The following TTC14 variants were observed in gnomAD, a reference collection of about 807,000 sequenced individuals.
TTC14 encodes the protein tetratricopeptide repeat domain 14.
A neutral mutation model predicts 79.9 loss-of-function variants in TTC14; 63 were observed. The observed-to-expected ratio is 0.79, with a 90% CI of 0.64 to 0.97. The LOEUF is 0.97. Among genes scored for constraint, TTC14 ranks in the 50% least tolerant of loss-of-function variants. The pLI is 0.00. For synonymous variants in TTC14, 335 were observed against 309.6 expected, an observed-to-expected ratio of 1.08 and a Z score of -0.86; for missense variants, 895 against 894.0, an observed-to-expected ratio of 1.00 and a Z score of -0.01.
At position 180,617,521 on chromosome 3, in the gene TTC14, AT is replaced by A; in HGVS notation, c.1917del (p.Asp639GlufsTer26). The A allele has an allele frequency of 1.5e-6, 1 of 652,762 alleles. No individual in the cohort carries two copies. The highest frequency in any genetic ancestry group is 2.8e-6 in the Non-Finnish European group (1 of 357,786). The allele number at this position is 652,762 out of a possible 1,614,324, so 40.4% of individuals were successfully genotyped here. A position where few individuals can be genotyped will look rare whatever the true frequency, so the allele number is the denominator to read the frequency against. On this transcript the variant is annotated frameshift_variant, in exon 13 of 13. Transcript: ENST00000382584. LOFTEE classifies it high-confidence loss of function. ...CCTGAAGACCTTCAAGTGGGACAAG[AT>A]ATGGAGGTGGAAGACAGTGGTATTG...
At position 180,616,541 on chromosome 3, in the gene TTC14, A is replaced by G; in HGVS notation, c.1775-839A>G. 4 of 1,585,016 alleles carry G rather than the reference A, an allele frequency of 2.5e-6. No individual in the cohort carries two copies. In the South Asian group the frequency reaches 4.7e-5, roughly 19 times the overall value. ...CTGTTGAAAGTATGTTTGAAGGATA[A>G]TACGGATCTCAGTATTTTCTTCTAT... On this transcript the variant is annotated intron_variant, in intron 12 of 12. Coordinates refer to the TTC14 transcript ENST00000382584.
chr3:180,603,988 A>G (rs1462885524), intron 3 of TTC14: 1 of 533,764 alleles, frequency 1.9e-6, no homozygotes, highest in Non-Finnish European at 3.3e-6. Context: ...ATAAGCCATC[A>G]TATTTGGTTC....
chr3:180,617,653 G>A (rs143959406), exon 13 of TTC14: 1 of 403,192 alleles, frequency 2.5e-6, no homozygotes, highest in African/African-American at 2.0e-5. Flanking sequence ...AATGCTTAGA[G>A]AATAAGGATA....
intron 6 of TTC14, chr3:180,605,444 T>G: frequency 4.6e-6 from 1 of 217,954 alleles, no homozygotes. Context: ...CCTGGCTAAT[T>G]TTTTTTTCTT....
At chr3:180,607,081 C>T (rs774853234) in intron 9 of TTC14, among the ~76,000 whole-genome samples, 74 of 152,176 alleles carry the variant, frequency 4.9e-4, no homozygotes, top group Admixed American at 2.7e-3. Flanking sequence ...TCTACTGACA[C>T]AAAAGTGATC....
At chr3:180,608,102 T>G in intron 10 of TTC14, 1 of 1,036,586 alleles carries the variant, frequency 9.6e-7, no homozygotes, top group Non-Finnish European at 1.2e-6. Context: ...ATATTTTAAA[T>G]TGTCTTTTCC....
chr3:180,602,476 G>A (rs1382175037), intron 1 of TTC14, 54 bp downstream of exon 1: 12 of 1,522,550 alleles, frequency 7.9e-6, no homozygotes, highest in Non-Finnish European at 1.1e-5. Flanking sequence ...AGCTCTGGCA[G>A]CCACTACCGC....
At position 180,610,038 on chromosome 3, in the gene TTC14, C is replaced by G. The variant is rs1413548212; in HGVS notation, c.1809C>G (p.Ser603Arg). The change falls in exon 12 of 12, where the codon AGC becomes AGG. Residue 603 changes from serine to arginine, a missense_variant. Transcript: ENST00000296015. Reference protein sequence around the residue: ...RSEDPRDFYNSYKTQAGSSKT... With the variant: ...RSEDPRDFYNRYKTQAGSSKT... ...AAGATCCAAGAGATTTTTATAACAG[C>G]TATAAAACCCAAGCAGGTAGTAGCA... 6.2e-7 allele frequency: 1 copy of G among 1,613,924 alleles called. No individual in the cohort carries two copies. The highest frequency in any genetic ancestry group is 1.3e-5 in the African/African-American group (1 of 74,970).
chr3:180,607,550 TC>T, intron 9 of TTC14, 97 bp from the exon 10 acceptor site: 1 of 1,385,924 alleles, frequency 7.2e-7, no homozygotes, highest in Non-Finnish European at 9.4e-7. Context: ...ACTTGGCTTT[TC>T]CCTAATAAGC....
chr3:180,604,350 T>C, intron 4 of TTC14, 41 bp downstream of exon 4: 1 of 1,587,694 alleles, frequency 6.3e-7, no homozygotes, highest in Non-Finnish European at 8.6e-7. Context: ...TAATGATTGT[T>C]GAATTTTTGT....
chr3:180,614,079 T>C (rs187269837), downstream of TTC14: 63 of 241,714 alleles, frequency 2.6e-4, 1 homozygote, highest in East Asian at 6.3e-3. Context: ...TACAAAGTGT[T>C]GGGCACATGT....
chr3:180,610,224 T>C lies in TTC14; in HGVS notation c.1995T>C (p.Ser665=). The change falls in exon 12 of 12, where the codon TCT becomes TCC. Residue 665 remains serine (S), a synonymous_variant. Coordinates refer to ENST00000296015, the MANE Select transcript of TTC14 (RefSeq NM_133462.4). ...ACTATAGAAGGTGGGAACCAGGTTC[T>C]GTGAGGCATTCTACCTCACCAGCAA... ...KEHYRRWEPG[S]VRHSTSPASS... 2 of 1,614,060 alleles carry C rather than the reference T, an allele frequency of 1.2e-6. No homozygotes were observed. The highest frequency in any genetic ancestry group is 2.2e-5 in the South Asian group (2 of 91,078).
At position 180,603,157 on chromosome 3, in the gene TTC14, T is replaced by G. The variant is rs1238268483; in HGVS notation, c.320T>G (p.Phe107Cys). The G allele has an allele frequency of 6.8e-6, 11 of 1,613,982 alleles. No homozygotes were observed. Among genetic ancestry groups the G allele is most frequent in the Non-Finnish European group, 9.3e-6 (11 of 1,180,032 alleles). The change falls in exon 3 of 12, where the codon TTC (phenylalanine) becomes TGC (cysteine). Residue 107 changes from phenylalanine to cysteine, a missense_variant. Transcript: ENST00000296015. ...GCAATCATGCCACCTTTAGAGCAATTCATGGAGATACCTAGTATGGATCGG... is the reference window on the plus strand; with the variant it reads ...GCAATCATGCCACCTTTAGAGCAATGCATGGAGATACCTAGTATGGATCGG... Reference protein sequence around the residue: ...HYAIMPPLEQFMEIPSMDRRE... With the variant: ...HYAIMPPLEQCMEIPSMDRRE...
At chr3:180,607,154 T>G (rs1165166771) in intron 9 of TTC14, among the ~76,000 whole-genome samples, 1 of 152,186 alleles carries the variant, frequency 6.6e-6, no homozygotes, top group Non-Finnish European at 1.5e-5. Flanking sequence ...CTTTGCAACA[T>G]CTTTTGACTG....
At chr3:180,604,634 C>A (rs763839301) in intron 5 of TTC14, 27 bp downstream of exon 5, 2 of 1,582,754 alleles carry the variant, frequency 1.3e-6, no homozygotes, top group African/African-American at 1.4e-5. Flanking sequence ...ATTTCAACAA[C>A]AGTTCATTAC....
intron 5 of TTC14, 107 bp from the exon 6 acceptor site, chr3:180,604,745 T>C: frequency 2.1e-6 from 3 of 1,419,014 alleles, no homozygotes; most frequent in Non-Finnish European, 1.9e-6. Flanking sequence ...CACCATCTTA[T>C]GCAAAAAATG....
rs1560072932 is a variant in TTC14, at chr3:180,606,249, T to A, written c.930-4T>A. 6.2e-7 allele frequency: 1 copy of A among 1,613,762 alleles called. No individual in the cohort carries two copies. The highest frequency in any genetic ancestry group is 8.5e-7 in the Non-Finnish European group (1 of 1,179,886). On this transcript the variant is annotated splice_polypyrimidine_tract_variant and splice_region_variant and intron_variant, in intron 7 of 11. Transcript: ENST00000296015. ...TTGTGATGCTTTACAAATGTCTTTT[T>A]TAGTGTGAAGATCGGAGTTGACTAT...
chr3:180,603,304 T>G lies in TTC14; in HGVS notation c.467T>G (p.Ile156Arg). 6.2e-7 allele frequency: 1 copy of G among 1,613,976 alleles called. No individual in the cohort carries two copies. Among genetic ancestry groups the G allele is most frequent in the Non-Finnish European group, 8.5e-7 (1 of 1,179,882 alleles). ...TTAGGAAGTGGTATCATGAGAGATA[T>G]AGCCCACTTAGAAATCACAGTAAGT... is the stretch of plus-strand genomic sequence containing the variant. ...ICLGSGIMRD[I>R]AHLEITALCP... Residue 156 changes from isoleucine to arginine, a missense_variant, in exon 3 of 12, where the codon ATA becomes AGA. Physicochemically the swap from Ile to Arg is moderately conservative, Grantham distance 97. Coordinates refer to ENST00000296015, the MANE Select transcript of TTC14 (RefSeq NM_133462.4).
In TTC14 at chr3:180,610,425, A is replaced by G. The variant is rs199994932; in HGVS notation, c.2196A>G (p.Leu732=). Reference sequence around the variant, plus strand: ...CAGAGGTTCCAGAAGAAGATGCACTAAGTAGCAAAGAACACTCAGAAAGCA... The same window carrying G: ...CAGAGGTTCCAGAAGAAGATGCACTGAGTAGCAAAGAACACTCAGAAAGCA... The part of the protein sequence containing the change: ...IKTEVPEEDA[L]SSKEHSESSV... Residue 732 remains leucine, a synonymous_variant, in exon 12 of 12, where the codon CTA becomes CTG. Transcript: ENST00000296015. 16 of 1,613,864 alleles carry G rather than the reference A, an allele frequency of 9.9e-6. 1 individual carries two copies. The South Asian group carries it at 1.4e-4, about 14-fold the overall frequency.
Sources: allele counts gnomAD v4.1 joint callset (sites outside exome capture counted in the v4.1 genomes callset), GRCh38; gene constraint gnomAD v4.1.1; transcripts MANE v1.5; gene names NCBI Gene and HGNC (gene_info 2026-07-23, HGNC 2026-07-21).